Variants in RFT1 observed in about 807,000 individuals in gnomAD.
RFT1 encodes the protein man(5)GlcNAc(2)-PP-dolichol translocation protein RFT1.
Under a neutral mutation model 62.2 loss-of-function variants are expected in RFT1, and 43 were observed. That is an observed-to-expected ratio of 0.69 (90% CI 0.54 to 0.89). RFT1 has a LOEUF of 0.89. RFT1 is among the 40% of genes least tolerant of loss of function. The pLI is 0.00. For missense variants in RFT1, 605 were observed against 649.9 expected, an observed-to-expected ratio of 0.93 and a Z score of 0.75; for synonymous variants, 262 against 264.6, an observed-to-expected ratio of 0.99 and a Z score of 0.10.
the RFT1 span, among the ~76,000 whole-genome samples, chr3:53,070,407 T>G: frequency 1.0e-3 from 141 of 139,694 alleles, 3 homozygotes; most frequent in Middle Eastern, 3.5e-3. Context: ...TTTTTTTTTT[T>G]TTTTTTTTTT....
At chr3:53,071,873 C>T in the RFT1 span, among the ~76,000 whole-genome samples, 1 of 152,236 alleles carries the variant, frequency 6.6e-6, no homozygotes, top group African/African-American at 2.4e-5. Context: ...AAAAGCAGGT[C>T]CTTGCCTCCC....
At chr3:53,087,622 A>C (rs1700883845), downstream of RFT1, among the ~76,000 whole-genome samples, 1 of 152,140 alleles carries the variant, frequency 6.6e-6, no homozygotes, top group Admixed American at 6.5e-5. Flanking sequence ...CCTGGGCTCA[A>C]GCAATCCTTT....
intron 11 of RFT1, 52 bp downstream of exon 11, chr3:53,099,329 T>C (rs373573678): frequency 8.3e-6 from 12 of 1,446,248 alleles, no homozygotes; most frequent in African/African-American, 1.4e-5. Context: ...TGACAAGTTA[T>C]TTCATTTTGG....
intron 4 of RFT1, 124 bp downstream of exon 4, chr3:53,122,250 T>C: frequency 1.0e-6 from 1 of 953,102 alleles, no homozygotes; most frequent in South Asian, 1.4e-5. Context: ...GTTATCTTTT[T>C]CTAAATACAT....
rs1299936893 is a variant in RFT1 at position 53,125,931 on chromosome 3, T to C, written c.127A>G (p.Ile43Val). The C allele has an allele frequency of 1.9e-6, 3 of 1,613,706 alleles. No homozygotes were observed. Among genetic ancestry groups the C allele is most frequent in the African/African-American group, 1.3e-5 (1 of 74,932 alleles). Residue 43 changes from isoleucine to valine, a missense_variant, in exon 2 of 13, where the codon ATC (isoleucine) becomes GTC (valine). By Grantham distance (29) the Ile-to-Val change is conservative. Transcript: ENST00000296292. ...TACCTTACATTTACTACGCCAACGA[T>C]TTCCTTTGACAGGAAGCGAAGAATA... is the stretch of plus-strand genomic sequence containing the variant. ...AFILRFLSKEIVGVVNVRLTL... is the reference protein window; with the variant it reads ...AFILRFLSKEVVGVVNVRLTL...
the RFT1 span, among the ~76,000 whole-genome samples, chr3:53,082,831 T>C: frequency 1.3e-5 from 2 of 152,130 alleles, no homozygotes; most frequent in African/African-American, 4.8e-5. Context: ...ATGGAAGGCA[T>C]GGACGCAACA....
At chr3:53,106,306 A>G (rs896956732) in intron 8 of RFT1, among the ~76,000 whole-genome samples, 2 of 152,222 alleles carry the variant, frequency 1.3e-5, no homozygotes, top group African/African-American at 4.8e-5. Context: ...CCCTTTACCC[A>G]GTGGTAACAT....
At chr3:53,098,743 A>G (rs1224705790) in intron 11 of RFT1, among the ~76,000 whole-genome samples, 1 of 130,268 alleles carries the variant, frequency 7.7e-6, no homozygotes, top group East Asian at 2.7e-4. Context: ...CAGAGCTTGC[A>G]GTGAGCAGAG....
intron 11 of RFT1, among the ~76,000 whole-genome samples, chr3:53,095,601 C>T (rs1046345273): frequency 6.6e-6 from 1 of 152,068 alleles, no homozygotes; most frequent in African/African-American, 2.4e-5. Context: ...CCTATAGTCT[C>T]AGCTACTCAG....
At chr3:53,118,489 T>A (rs1701871004) in intron 6 of RFT1, among the ~76,000 whole-genome samples, 2 of 152,218 alleles carry the variant, frequency 1.3e-5, no homozygotes, top group Non-Finnish European at 1.5e-5. Context: ...CTGGCTTTGA[T>A]ACATAGGATC....
In RFT1 at chr3:53,121,734, G is replaced by A. The variant is rs1358315488; in HGVS notation, c.523C>T (p.Pro175Ser). 8 of 1,613,904 alleles carry A rather than the reference G, an allele frequency of 5.0e-6. No individual in the cohort carries two copies. In the East Asian group the frequency reaches 1.6e-4, roughly 31 times the overall value. The change falls in exon 5 of 13, where the codon CCT becomes TCT. Residue 175 changes from proline to serine, a missense_variant. Transcript: ENST00000296292. The part of the protein sequence containing the change: ...VLTAFLVLWL[P>S]HWGLYIFSLA... ...GAGAAAATGTACAATCCCCAGTGAG[G>A]CAACCACAGCACGAGAAAAGCTGTC...
intron 10 of RFT1, among the ~76,000 whole-genome samples, chr3:53,099,751 C>A (rs891071090): frequency 6.6e-6 from 1 of 152,212 alleles, no homozygotes; most frequent in Non-Finnish European, 1.5e-5. Context: ...CTTTGGGAGG[C>A]CCAAGGCCAG....
the RFT1 span, among the ~76,000 whole-genome samples, chr3:53,074,947 T>TG: frequency 6.6e-6 from 1 of 152,090 alleles, no homozygotes; most frequent in Non-Finnish European, 1.5e-5. Flanking sequence ...CTCTGGAACT[T>TG]GCATGCTGGA....
chr3:53,067,428 T>G, the RFT1 span, among the ~76,000 whole-genome samples: 1 of 151,968 alleles, frequency 6.6e-6, no homozygotes, highest in Non-Finnish European at 1.5e-5. Context: ...ATGACGACAT[T>G]TGGGTGAAAT....
At chr3:53,088,180 C>G (rs923429511), downstream of RFT1, among the ~76,000 whole-genome samples, 15 of 152,196 alleles carry the variant, frequency 9.9e-5, no homozygotes, top group Non-Finnish European at 1.5e-4. Context: ...AAGGACCAGG[C>G]CAGATGGAGA....
At chr3:53,084,705 C>T (rs1297450424), downstream of RFT1, among the ~76,000 whole-genome samples, 1 of 152,198 alleles carries the variant, frequency 6.6e-6, no homozygotes, top group Non-Finnish European at 1.5e-5. Flanking sequence ...GGTCTCTTTC[C>T]CACTGAGCAC....
At chr3:53,103,306 G>A in intron 10 of RFT1, 1 of 983,882 alleles carries the variant, frequency 1.0e-6, no homozygotes, top group Non-Finnish European at 1.2e-6. Context: ...CCAAGATGAA[G>A]CACTGCAAAT....
At chr3:53,073,829 C>T in the RFT1 span, among the ~76,000 whole-genome samples, 1 of 152,126 alleles carries the variant, frequency 6.6e-6, no homozygotes. Flanking sequence ...CCCAGCCCTG[C>T]GGGAGACCAC....
downstream of RFT1, among the ~76,000 whole-genome samples, chr3:53,086,338 C>CA (rs1182907472): frequency 6.6e-6 from 1 of 151,850 alleles, no homozygotes; most frequent in Non-Finnish European, 1.5e-5. Flanking sequence ...TTTTTGGAAA[C>CA]AGAGTCTCGC....
Sources: gnomAD v4.1 joint callset for allele counts (sites outside exome capture counted in the v4.1 genomes callset) on GRCh38, gnomAD v4.1.1 for gene constraint, MANE v1.5 for transcripts, NCBI Gene and HGNC (gene_info 2026-07-23, HGNC 2026-07-21) for gene names.